ADGRB3: variants seen among roughly 807,000 people sequenced by gnomAD.
ADGRB3 encodes brain-specific angiogenesis inhibitor 3.
ADGRB3 carries 37 observed loss-of-function variants against 193.4 expected under a neutral mutation model. The ratio of observed to expected loss-of-function variants is 0.19; its 90% CI spans 0.15 to 0.25. ADGRB3 has a LOEUF of 0.25. Ranked by LOEUF, ADGRB3 falls within the 10% of genes least tolerant of loss-of-function variation. The pLI, the probability that ADGRB3 is intolerant of heterozygous loss-of-function variation, is 1.00. For missense variants in ADGRB3, 1,637 were observed against 1,852.9 expected (o/e 0.88, Z 2.14); for synonymous variants, 690 against 644.2 (o/e 1.07, Z -1.08).
intron 15 of ADGRB3, among the ~76,000 whole-genome samples, chr6:69,061,844 T>G (rs1771758254): frequency 1.9e-5 from 1 of 52,432 alleles, no homozygotes; most frequent in South Asian, 1.3e-3. Flanking sequence ...CAAAGGGACT[T>G]GAGAAAACTG....
intron 29 of ADGRB3, among the ~76,000 whole-genome samples, chr6:69,366,291 A>G (rs931048601): frequency 1.3e-5 from 2 of 152,124 alleles, no homozygotes; most frequent in Non-Finnish European, 2.9e-5. Context: ...ATTCTCAGGT[A>G]TCATTTCTGC....
chr6:69,309,298 A>T (rs903085170), intron 20 of ADGRB3, among the ~76,000 whole-genome samples: 2 of 151,720 alleles, frequency 1.3e-5, no homozygotes, highest in African/African-American at 2.4e-5. Context: ...AGATAATGTG[A>T]TGATACAAGA....
chr6:68,904,158 T>C (rs557146766), intron 3 of ADGRB3, among the ~76,000 whole-genome samples: 23 of 150,294 alleles, frequency 1.5e-4, no homozygotes, highest in Non-Finnish European at 2.8e-4. Context: ...AGGGAGGTAT[T>C]TGGGCATGAA....
chr6:69,374,565 A>G (rs1346079210), intron 30 of ADGRB3, among the ~76,000 whole-genome samples: 2 of 152,064 alleles, frequency 1.3e-5, no homozygotes, highest in Non-Finnish European at 2.9e-5. Flanking sequence ...CTGCCAACTC[A>G]TATATCCCTA....
chr6:68,869,622 T>C (rs1272460105), intron 3 of ADGRB3, among the ~76,000 whole-genome samples: 1 of 152,160 alleles, frequency 6.6e-6, no homozygotes, highest in African/African-American at 2.4e-5. Flanking sequence ...TAAGATAAAA[T>C]GAGAAAAAGT....
At chr6:68,697,514 T>G (rs1765176962) in intron 3 of ADGRB3, among the ~76,000 whole-genome samples, 1 of 151,970 alleles carries the variant, frequency 6.6e-6, no homozygotes, top group Admixed American at 6.6e-5. Flanking sequence ...CATAGTAACA[T>G]TTTTAGTGTT....
At chr6:69,031,085 T>G (rs1351234004) in intron 13 of ADGRB3, among the ~76,000 whole-genome samples, 6 of 81,360 alleles carry the variant, frequency 7.4e-5, no homozygotes, top group African/African-American at 2.7e-4. Context: ...TCTTCTCTTC[T>G]CTTCTCTTCT....
At chr6:69,309,943 C>T (rs1280921802) in intron 20 of ADGRB3, among the ~76,000 whole-genome samples, 1 of 151,576 alleles carries the variant, frequency 6.6e-6, no homozygotes, top group Non-Finnish European at 1.5e-5. Context: ...GACCCAAAAA[C>T]ACATTTCCCT....
intron 30 of ADGRB3, among the ~76,000 whole-genome samples, chr6:69,374,930 A>G (rs1769782325): frequency 6.6e-6 from 1 of 152,128 alleles, no homozygotes; most frequent in Non-Finnish European, 1.5e-5. Flanking sequence ...AGCCACACTG[A>G]ATTTCAAAGA....
chr6:68,770,562 A>G lies in ADGRB3; in HGVS notation c.757+131130A>G, dbSNP rs74743271. Among the ~76,000 whole-genome samples, 185 of 152,248 alleles carry G rather than the reference A, an allele frequency of 1.2e-3. 1 individual carries two copies. The East Asian group carries it at 0.034, about 28-fold the overall frequency. ...TCAAATGGGTTGGTGATTATTTTCA[A>G]GGAATACTTATACTCTGTTCTTTCT... On this transcript the variant is annotated intron_variant, in intron 3 of 31. Transcript: ENST00000370598.
intron 17 of ADGRB3, among the ~76,000 whole-genome samples, chr6:69,173,130 C>T (rs1405204164): frequency 6.6e-6 from 1 of 152,180 alleles, no homozygotes. Context: ...CTCTGCCTCC[C>T]GGGTTCAAGT....
At chr6:69,266,439 C>A (rs562659332) in intron 20 of ADGRB3, among the ~76,000 whole-genome samples, 1 of 151,914 alleles carries the variant, frequency 6.6e-6, no homozygotes, top group African/African-American at 2.4e-5. Context: ...CCCTTGAGAC[C>A]TAATACAAAT....
At chr6:68,853,134 T>C (rs75511638) in intron 3 of ADGRB3, among the ~76,000 whole-genome samples, 3,240 of 152,176 alleles carry the variant, frequency 0.021, 60 homozygotes, top group East Asian at 0.088. Flanking sequence ...TTCATTAGTG[T>C]CTGTAATTTA....
chr6:68,783,237 A>C (rs1766893234), intron 3 of ADGRB3, among the ~76,000 whole-genome samples: 1 of 150,024 alleles, frequency 6.7e-6, no homozygotes, highest in South Asian at 2.1e-4. Flanking sequence ...ATTCTGATAT[A>C]GACCATCTGT....
chr6:69,046,404 C>T (rs1231643407), intron 13 of ADGRB3, among the ~76,000 whole-genome samples: 4 of 152,136 alleles, frequency 2.6e-5, no homozygotes, highest in East Asian at 3.9e-4. Flanking sequence ...ACTTGCTGAC[C>T]TGCTCATCTA....
intron 3 of ADGRB3, among the ~76,000 whole-genome samples, chr6:68,662,824 A>G (rs745429133): frequency 1.3e-5 from 2 of 151,398 alleles, no homozygotes; most frequent in African/African-American, 2.4e-5. Flanking sequence ...TCGATTTGAC[A>G]AATTAACTAC....
At chr6:69,035,209 T>A (rs1489009163) in intron 13 of ADGRB3, among the ~76,000 whole-genome samples, 1 of 152,108 alleles carries the variant, frequency 6.6e-6, no homozygotes, top group Non-Finnish European at 1.5e-5. Context: ...AATGAGGTAA[T>A]TCGCTGGTAT....
Position 68,782,087 on chromosome 6 carries a change from C to A in ADGRB3, c.757+142655C>A, listed in dbSNP as rs1766864831. ...CTGCACCCATTAACTCGTCATTTAG[C>A]ATTAGGTATATCTCCTAATGCTATC... On this transcript the variant is annotated intron_variant, in intron 3 of 31. Transcript: ENST00000370598. 2.0e-5 allele frequency among the ~76,000 whole-genome samples: 3 copies of A among 150,558 alleles called. No homozygotes were observed. In the South Asian group the frequency reaches 6.4e-4, roughly 32 times the overall value.
intron 17 of ADGRB3, among the ~76,000 whole-genome samples, chr6:69,137,060 T>C (rs866074861): frequency 0.012 from 690 of 59,172 alleles, 6 homozygotes; most frequent in Middle Eastern, 0.023. Context: ...TTCTTTCTTT[T>C]TTTTTTTTTT....
Sources: gnomAD v4.1 joint callset for allele counts (sites outside exome capture counted in the v4.1 genomes callset) on GRCh38, gnomAD v4.1.1 for gene constraint, MANE v1.5 for transcripts, NCBI Gene and HGNC (gene_info 2026-07-23, HGNC 2026-07-21) for gene names.